The following FUT8 variants were observed in gnomAD, a reference collection of about 807,000 sequenced individuals.
FUT8 encodes the protein alpha-(1,6)-fucosyltransferase.
FUT8 carries 29 observed loss-of-function variants against 71.3 expected under a neutral mutation model. The ratio of observed to expected loss-of-function variants is 0.41; its 90% CI spans 0.30 to 0.55. The LOEUF is 0.55. Among genes scored for constraint, FUT8 ranks in the 20% least tolerant of loss-of-function variants. The pLI is 0.34. For missense variants in FUT8, 544 were observed against 702.1 expected (o/e 0.77, Z 2.55); for synonymous variants, 254 against 239.3 (o/e 1.06, Z -0.57).
At chr14:65,590,172 C>T (rs1281913940) in intron 3 of FUT8, among the ~76,000 whole-genome samples, 1 of 151,856 alleles carries the variant, frequency 6.6e-6, no homozygotes, top group East Asian at 1.9e-4. Flanking sequence ...TTTTTTTCTT[C>T]ATAACCTTGC....
At chr14:65,668,661 C>T (rs1892330617) in intron 6 of FUT8, among the ~76,000 whole-genome samples, 3 of 152,116 alleles carry the variant, frequency 2.0e-5, no homozygotes, top group African/African-American at 7.2e-5. Context: ...TATTTGACCC[C>T]GCAATCCCGT....
intron 6 of FUT8, among the ~76,000 whole-genome samples, chr14:65,657,111 T>A (rs932005910): frequency 6.6e-6 from 1 of 152,144 alleles, no homozygotes; most frequent in Non-Finnish European, 1.5e-5. Context: ...TCTTAAGTAA[T>A]ACCCGATAAG....
chr14:65,633,175 C>T (rs1365225776), intron 6 of FUT8, among the ~76,000 whole-genome samples: 1 of 152,098 alleles, frequency 6.6e-6, no homozygotes, highest in Non-Finnish European at 1.5e-5. Context: ...CGCGCCGCCA[C>T]GCCTGACTGG....
the FUT8 span, among the ~76,000 whole-genome samples, chr14:65,387,251 G>C: frequency 1.3e-5 from 2 of 152,174 alleles, no homozygotes; most frequent in African/African-American, 4.8e-5. Context: ...AACTTTGATA[G>C]GCAAGTGCAG....
In FUT8 at chr14:65,616,308, C is replaced by T. The variant is rs757724110; in HGVS notation, c.417C>T (p.Asn139=). 5 of 1,612,538 alleles carry T rather than the reference C, an allele frequency of 3.1e-6. No homozygotes were observed. The highest frequency in any genetic ancestry group is 8.5e-7 in the Non-Finnish European group (1 of 1,179,296). Residue 139 remains asparagine, a synonymous_variant, in exon 5 of 11, where the codon AAC becomes AAT. Transcript: ENST00000673929. ...FLQSELKKLK[N]LEGNELQRHA... is the part of the protein sequence containing the mutation. The stretch of plus-strand genomic sequence containing the variant: ...AGAGTGAATTGAAGAAATTAAAGAA[C>T]TTAGAAGGAAATGAACTCCAAAGAC...
Position 65,643,663 on chromosome 14 carries a change from A to AAACACACAC in FUT8, c.597+14058_597+14059insACACACACA, listed in dbSNP as rs1324830023. ...AGCGAGACTCCGTCTTTAAAAAAAAAATACACACACACACACACACACACA... is the reference window on the plus strand; with the variant it reads ...AGCGAGACTCCGTCTTTAAAAAAAAAAACACACACATACACACACACACACACACACACA... On this transcript the variant is annotated intron_variant, in intron 6 of 10. Transcript: ENST00000673929. This position sits in a 1 kb window ranked among gnomAD's most constrained non-coding sequence, Gnocchi z 4.5. Among the ~76,000 whole-genome samples the AAACACACAC allele has an allele frequency of 9.3e-5, 5 of 53,842 alleles. No homozygotes were observed. The highest frequency in any genetic ancestry group is 1.5e-4 in the African/African-American group (2 of 13,154). 35.3% of individuals were successfully genotyped at this position (53,842 alleles called of 152,430 possible).
chr14:65,727,149 G>T (rs1895724122), intron 9 of FUT8, among the ~76,000 whole-genome samples: 1 of 152,146 alleles, frequency 6.6e-6, no homozygotes, highest in Admixed American at 6.5e-5. Context: ...GCTTTTCCAG[G>T]TGCATGGTGC....
intron 5 of FUT8, among the ~76,000 whole-genome samples, chr14:65,624,136 C>G (rs1433243311): frequency 1.3e-5 from 2 of 152,116 alleles, no homozygotes; most frequent in African/African-American, 4.8e-5. Context: ...AGGTTGTATC[C>G]TGGACTTAAT....
the FUT8 span, among the ~76,000 whole-genome samples, chr14:65,362,964 AAAAAAAAAAAAAAAAAAAAGAGAAG>A: frequency 2.2e-3 from 4 of 1,824 alleles, no homozygotes; most frequent in Non-Finnish European, 9.3e-3. Flanking sequence ...TCTGTTTCAA[AAAAAAAAAAAAAAAAAAAAGAGAAG>A]AAATTCTGTC....
At chr14:65,563,986 A>G (rs922338416) in intron 3 of FUT8, among the ~76,000 whole-genome samples, 6 of 152,080 alleles carry the variant, frequency 3.9e-5, no homozygotes, top group Admixed American at 2.6e-4. Context: ...CCATGTTTAT[A>G]TAAGGGAATA....
intron 7 of FUT8, among the ~76,000 whole-genome samples, chr14:65,673,575 A>G (rs1317845556): frequency 2.0e-5 from 3 of 152,224 alleles, no homozygotes; most frequent in Non-Finnish European, 4.4e-5. Context: ...ATGGTGGAAG[A>G]ATTTTCTGTC....
chr14:65,439,954 G>GTGTGTATATATATATATATATATA, intron 1 of FUT8, among the ~76,000 whole-genome samples: 2 of 74,974 alleles, frequency 2.7e-5, no homozygotes, highest in Non-Finnish European at 5.0e-5. Flanking sequence ...GTGTGTGTGT[G>GTGTGTATATATATATATATATATA]TATATATATA....
At chr14:65,531,351 C>T (rs12890123) in intron 2 of FUT8, among the ~76,000 whole-genome samples, 52,666 of 151,726 alleles carry the variant, frequency 0.35, 11,409 homozygotes, top group Non-Finnish European at 0.49. Context: ...TATTATATGT[C>T]TATGCTATTC....
intron 7 of FUT8, among the ~76,000 whole-genome samples, chr14:65,683,721 A>T (rs1232531910): frequency 1.3e-5 from 2 of 152,138 alleles, no homozygotes; most frequent in Admixed American, 1.3e-4. Context: ...AATATTCCAG[A>T]CACCAAAAAT....
At position 65,740,005 on chromosome 14, in the gene FUT8, T is replaced by C. The variant is rs79500450; in HGVS notation, c.1411-2088T>C. On this transcript the variant is annotated intron_variant, in intron 10 of 10. Transcript: ENST00000673929. ...CTGTCATTGTTATTGTAGTTTGCTA[T>C]TATTGGAGCTGCTTTAATTATTTAG... 2.3e-3 allele frequency among the ~76,000 whole-genome samples: 348 copies of C among 152,140 alleles called. 1 individual carries two copies. Among genetic ancestry groups the C allele is most frequent in the African/African-American group, 7.8e-3 (324 of 41,536 alleles).
intron 2 of FUT8, among the ~76,000 whole-genome samples, chr14:65,520,418 G>A (rs568780559): frequency 1.3e-5 from 2 of 152,140 alleles, no homozygotes; most frequent in Admixed American, 6.5e-5. Flanking sequence ...TTCTTTGGGC[G>A]TCCTGGTTAT....
At position 65,550,515 on chromosome 14, in the gene FUT8, G is replaced by A. The variant is rs1885229066; in HGVS notation, c.-227-10822G>A. On this transcript the variant is annotated intron_variant, in intron 2 of 10. Coordinates refer to ENST00000673929, the MANE Select transcript of FUT8 (RefSeq NM_001371533.1). The surrounding 1 kb of genome is among the most constrained non-coding windows in gnomAD (Gnocchi z 4.5). ...AATGGTTGTAGGGTTACTCAGAGTG[G>A]TTTCTACTGAATATATATTGCTTTT... is the stretch of plus-strand genomic sequence containing the variant. Among the ~76,000 whole-genome samples the A allele has an allele frequency of 6.6e-6, 1 of 152,088 alleles. No individual in the cohort carries two copies. The highest frequency in any genetic ancestry group is 2.1e-4 in the South Asian group (1 of 4,822).
At chr14:65,642,686 G>C (rs1890899009) in intron 6 of FUT8, among the ~76,000 whole-genome samples, 1 of 151,520 alleles carries the variant, frequency 6.6e-6, no homozygotes, top group East Asian at 1.9e-4. Context: ...CACTGTCTTG[G>C]TTACTAGCTT....
chr14:65,506,421 G>A (rs977105064), intron 2 of FUT8, among the ~76,000 whole-genome samples: 1 of 152,202 alleles, frequency 6.6e-6, no homozygotes, highest in African/African-American at 2.4e-5. Flanking sequence ...ATTCCATGGT[G>A]ATAGCAGATG....
Sources: allele counts gnomAD v4.1 joint callset (sites outside exome capture counted in the v4.1 genomes callset), GRCh38; gene constraint gnomAD v4.1.1; non-coding constraint Gnocchi (gnomAD v3.1); transcripts MANE v1.5; gene names NCBI Gene and HGNC (gene_info 2026-07-23, HGNC 2026-07-21).